AMOTL1: variants seen among roughly 807,000 people sequenced by gnomAD.
AMOTL1 encodes the protein angiomotin-like protein 1.
A neutral mutation model predicts 102.9 loss-of-function variants in AMOTL1; 45 were observed. The observed-to-expected ratio is 0.44, with a 90% CI of 0.34 to 0.56. AMOTL1 has a LOEUF of 0.56. Ranked by LOEUF, AMOTL1 falls within the 20% of genes least tolerant of loss-of-function variation. AMOTL1 has a pLI of 0.01. For synonymous variants in AMOTL1, 481 were observed against 484.7 expected (o/e 0.99, Z 0.10); for missense variants, 1,114 against 1,225.6 (o/e 0.91, Z 1.36).
At chr11:94,761,987 T>G (rs984581734) in intron 3 of AMOTL1, among the ~76,000 whole-genome samples, 14 of 152,226 alleles carry the variant, frequency 9.2e-5, no homozygotes, top group African/African-American at 3.4e-4. Flanking sequence ...CAAGGGTTCT[T>G]TAGGGTGAAC....
chr11:94,731,411 C>A (rs1950349036), intron 2 of AMOTL1, among the ~76,000 whole-genome samples: 1 of 152,048 alleles, frequency 6.6e-6, no homozygotes, highest in South Asian at 2.1e-4. Flanking sequence ...AGGTGGTTCT[C>A]AGAGGCCTGG....
At chr11:94,847,379 C>A (rs7952213) in intron 6 of AMOTL1, among the ~76,000 whole-genome samples, 21,727 of 152,132 alleles carry the variant, frequency 0.14, 3,467 homozygotes, top group African/African-American at 0.39. Flanking sequence ...GCTATAATTT[C>A]TTGTTCAGTG....
intron 5 of AMOTL1, 116 bp from the exon 6 acceptor site, chr11:94,831,336 G>T: frequency 1.3e-6 from 1 of 748,914 alleles, no homozygotes. Flanking sequence ...TTCAGTTTTG[G>T]GCTCCTGCCT....
rs78897878 is a variant in AMOTL1 at position 94,727,420 on chromosome 11, G to A, written c.-50-1501G>A. ...ATGTTTTTAGTTTTGCACAGAGAAC[G>A]TGTCTGGTTCAATGGCAGACTACTT... is the stretch of plus-strand genomic sequence containing the variant. On this transcript the variant is annotated intron_variant, in intron 1 of 4. Transcript: ENST00000299004. 8.1e-3 allele frequency among the ~76,000 whole-genome samples: 1,233 copies of A among 152,264 alleles called. 24 individuals are homozygous for A. The highest frequency in any genetic ancestry group is 0.011 in the African/African-American group (471 of 41,554).
At chr11:94,834,900 A>T (rs1055819083) in intron 6 of AMOTL1, among the ~76,000 whole-genome samples, 1 of 152,180 alleles carries the variant, frequency 6.6e-6, no homozygotes, top group Non-Finnish European at 1.5e-5. Flanking sequence ...CTAAAAACTG[A>T]ACTCTGCTCT....
Position 94,769,033 on chromosome 11 carries a change from G to T in AMOTL1, c.49+473G>T, listed in dbSNP as rs904736439. On this transcript the variant is annotated intron_variant, in intron 1 of 12. Coordinates refer to ENST00000433060, the MANE Select transcript of AMOTL1 (RefSeq NM_130847.3). The stretch of plus-strand genomic sequence containing the variant: ...TGGCGCTGTGGACTGGACCCTTTCT[G>T]CCCGCCGGCCAGACCCGGCTCTGGC... Among the ~76,000 whole-genome samples the T allele has an allele frequency of 3.2e-4, 48 of 152,120 alleles. 1 individual carries two copies. Among genetic ancestry groups the T allele is most frequent in the African/African-American group, 8.4e-4 (35 of 41,538 alleles).
chr11:94,864,680 T>A (rs1299232052), intron 9 of AMOTL1, 55 bp from the exon 10 acceptor site: 1 of 1,582,324 alleles, frequency 6.3e-7, no homozygotes, highest in Non-Finnish European at 8.6e-7. Flanking sequence ...TCTGTTTGCA[T>A]TGAGACAAAG....
At chr11:94,847,020 G>A (rs16921090) in intron 6 of AMOTL1, among the ~76,000 whole-genome samples, 16,043 of 152,210 alleles carry the variant, frequency 0.11, 1,639 homozygotes, top group African/African-American at 0.26. Flanking sequence ...CAGTGGACAA[G>A]CAGTTCTGAA....
chr11:94,741,693 T>C (rs1387702468), intron 3 of AMOTL1, among the ~76,000 whole-genome samples: 1 of 151,976 alleles, frequency 6.6e-6, no homozygotes, highest in Non-Finnish European at 1.5e-5. Flanking sequence ...TGCCACCCAT[T>C]CTCACTCGGT....
rs138648878 is a variant in AMOTL1 at position 94,803,803 on chromosome 11, T to A, written c.1121+3492T>A. Among the ~76,000 whole-genome samples the A allele has an allele frequency of 2.4e-3, 360 of 152,318 alleles. 3 individuals carry two copies. The highest frequency in any genetic ancestry group is 8.4e-3 in the African/African-American group (348 of 41,578). On this transcript the variant is annotated intron_variant, in intron 3 of 12. Coordinates refer to ENST00000433060, the MANE Select transcript of AMOTL1 (RefSeq NM_130847.3). ...CATGCATATTTGTTTTCCAAAGAAA[T>A]CCATATTTCAAAACATTTGGGAACT...
intron 3 of AMOTL1, among the ~76,000 whole-genome samples, chr11:94,751,518 A>C (rs1403524757): frequency 6.6e-6 from 1 of 152,166 alleles, no homozygotes; most frequent in Non-Finnish European, 1.5e-5. Context: ...GATTCAGGGC[A>C]GGTGGACTCA....
chr11:94,845,444 G>T (rs1447958397), intron 6 of AMOTL1, among the ~76,000 whole-genome samples: 1 of 152,214 alleles, frequency 6.6e-6, no homozygotes. Context: ...CTTATGTGAG[G>T]ATTATATGTT....
intron 1 of AMOTL1, among the ~76,000 whole-genome samples, chr11:94,726,494 C>T (rs1466614165): frequency 6.6e-6 from 1 of 152,142 alleles, no homozygotes; most frequent in Non-Finnish European, 1.5e-5. Flanking sequence ...AGAATTACAT[C>T]TGTAAGTTTT....
chr11:94,733,836 T>C (rs1198720826), intron 2 of AMOTL1, among the ~76,000 whole-genome samples: 1 of 152,230 alleles, frequency 6.6e-6, no homozygotes, highest in Non-Finnish European at 1.5e-5. Flanking sequence ...GGACCTTTTC[T>C]TGTATGTATT....
At chr11:94,751,590 T>C (rs1950654684) in intron 3 of AMOTL1, among the ~76,000 whole-genome samples, 1 of 151,862 alleles carries the variant, frequency 6.6e-6, no homozygotes, top group African/African-American at 2.4e-5. Flanking sequence ...ATATTACACA[T>C]TGCTCAGGAA....
chr11:94,728,552 T>C (rs1950296647), intron 1 of AMOTL1, among the ~76,000 whole-genome samples: 1 of 152,210 alleles, frequency 6.6e-6, no homozygotes, highest in African/African-American at 2.4e-5. Flanking sequence ...GTTCAAGTTT[T>C]TTTAGTCATT....
chr11:94,843,180 G>A (rs1391079909), intron 6 of AMOTL1, among the ~76,000 whole-genome samples: 2 of 152,186 alleles, frequency 1.3e-5, no homozygotes, highest in Admixed American at 6.5e-5. Flanking sequence ...TAAGGTCAGC[G>A]TTGTATCATA....
chr11:94,785,146 T>C (rs184624529), intron 1 of AMOTL1, among the ~76,000 whole-genome samples: 31 of 152,292 alleles, frequency 2.0e-4, no homozygotes, highest in Middle Eastern at 3.4e-3. Flanking sequence ...CTCTGCCTCA[T>C]ACATGGAGAG....
chr11:94,709,681 C>A (rs991990011), intron 1 of AMOTL1, among the ~76,000 whole-genome samples: 5 of 152,180 alleles, frequency 3.3e-5, no homozygotes, highest in African/African-American at 1.2e-4. Context: ...CAGCCCCCAC[C>A]ACTATCTGAC....
Sources: allele counts gnomAD v4.1 joint callset (sites outside exome capture counted in the v4.1 genomes callset), GRCh38; gene constraint gnomAD v4.1.1; transcripts MANE v1.5; gene names NCBI Gene and HGNC (gene_info 2026-07-23, HGNC 2026-07-21).